The following CEP131 variants were observed in gnomAD, a reference collection of about 807,000 sequenced individuals.
The protein encoded by CEP131 is centrosomal protein of 131 kDa.
A neutral mutation model predicts 136.8 loss-of-function variants in CEP131; 99 were observed. That is an observed-to-expected ratio of 0.72 (90% confidence interval 0.62 to 0.86). CEP131 has a LOEUF of 0.86. Ranked by LOEUF, CEP131 falls within the 40% of genes least tolerant of loss-of-function variation. CEP131 has a pLI of 0.00. For missense variants in CEP131, 1,459 were observed against 1,463.0 expected (o/e 1.00, Z 0.04); for synonymous variants, 646 against 612.7 (o/e 1.05, Z -0.80).
chr17:81,203,443 CCTAA>C lies in CEP131; in HGVS notation c.629+47_629+50del, dbSNP rs1334705495. 1.5e-5 allele frequency: 22 copies of C among 1,444,590 alleles called. 1 individual carries two copies. Among genetic ancestry groups the C allele is most frequent in the Non-Finnish European group, 1.9e-5 (20 of 1,056,744 alleles). 89.5% of individuals were successfully genotyped at this position (1,444,590 alleles called of 1,614,324 possible). On this transcript the variant is annotated intron_variant, in intron 6 of 25. Coordinates refer to ENST00000450824, the MANE Select transcript of CEP131 (RefSeq NM_014984.4). The surrounding 1 kb of genome is among the most constrained non-coding windows in gnomAD (Gnocchi z 4.6). ...GACCCCAGGTGCACTGACTACATGC[CCTAA>C]CTGAGGTCGGACCCCGCAGCCCCGC...
intron 8 of CEP131, 146 bp from the exon 9 acceptor site, chr17:81,199,981 C>A: frequency 2.5e-6 from 2 of 785,392 alleles, no homozygotes; most frequent in Non-Finnish European, 4.2e-6. Flanking sequence ...CCACCAGGAC[C>A]TTGAACCTGC....
chr17:81,200,537 G>A (rs2061868860), intron 7 of CEP131, 91 bp from the exon 8 acceptor site: 6 of 970,194 alleles, frequency 6.2e-6, no homozygotes, highest in Non-Finnish European at 9.4e-6. Context: ...CCGGGGAAGA[G>A]AGAAGCCGGC....
intron 24 of CEP131, 83 bp downstream of exon 24, chr17:81,190,556 C>T: frequency 7.0e-7 from 1 of 1,419,326 alleles, no homozygotes; most frequent in Non-Finnish European, 9.2e-7. Flanking sequence ...TCAGCCACAG[C>T]CTCCTGGGGC....
rs769946994 is a variant in CEP131 at position 81,198,157 on chromosome 17, G to A, written c.1428C>T (p.Arg476=). Residue 476 remains arginine, a synonymous_variant, in exon 12 of 26, where the codon CGC becomes CGT. Transcript: ENST00000450824. ...ATCTGCCCCTGTGATGGGTCCTGGG[G>A]CGGGGCAGCACGTCCGGCTCCTTCT... is the stretch of plus-strand genomic sequence containing the variant. ...LLEKEPDVLP[R]PRTHHRGRYA... 2 of 1,573,654 alleles carry A rather than the reference G, an allele frequency of 1.3e-6. No homozygotes were observed. The highest frequency in any genetic ancestry group is 1.7e-6 in the Non-Finnish European group (2 of 1,159,888).
At chr17:81,194,728 G>A in intron 17 of CEP131, 142 bp downstream of exon 17, 1 of 768,072 alleles carries the variant, frequency 1.3e-6, no homozygotes, top group Non-Finnish European at 2.3e-6. Context: ...GCCGTGACGG[G>A]GGTGGTTGGG....
Position 81,202,088 on chromosome 17 carries a change from G to A in CEP131, c.788+152C>T, listed in dbSNP as rs1166672579. 44 of 660,310 alleles carry A rather than the reference G, an allele frequency of 6.7e-5. 2 individuals are homozygous for A. The South Asian group carries it at 1.5e-3, about 22-fold the overall frequency. 40.9% of individuals were successfully genotyped at this position (660,310 alleles called of 1,614,324 possible). ...TGCACTCCAGCCTGGGCGACAGAGC[G>A]AGACTCTGTCTCAAAAAAAAAAAAA... On this transcript the variant is annotated intron_variant, in intron 7 of 25. Coordinates refer to ENST00000450824, the MANE Select transcript of CEP131 (RefSeq NM_014984.4).
At chr17:81,199,642 C>A (rs746699939) in intron 9 of CEP131, 77 bp downstream of exon 9, 6 of 1,596,838 alleles carry the variant, frequency 3.8e-6, no homozygotes, top group African/African-American at 1.3e-5. Flanking sequence ...TCCCGGGGCC[C>A]AGGGAGCCCC....
In CEP131 at chr17:81,194,816, C is replaced by T. The variant is rs144742446; in HGVS notation, c.2119+54G>A. On this transcript the variant is annotated intron_variant, in intron 17 of 25. Transcript: ENST00000450824. ...AGTTATGGCTCTCTCAAAAGAAGCC[C>T]TGGCCGCAGCACCCACCCCACACCT... 2,080 of 1,444,802 alleles carry T rather than the reference C, an allele frequency of 1.4e-3. 24 individuals are homozygous for T. The African/African-American group carries it at 0.024, about 17-fold the overall frequency. The allele number at this position is 1,444,802 out of a possible 1,614,324, so 89.5% of individuals were successfully genotyped here. A position where few individuals can be genotyped will look rare whatever the true frequency, so the allele number is the denominator to read the frequency against.
intron 5 of CEP131, among the ~76,000 whole-genome samples, chr17:81,206,196 G>C (rs556924100): frequency 3.9e-4 from 60 of 151,956 alleles, no homozygotes; most frequent in African/African-American, 1.4e-3. Flanking sequence ...CCTGGTGACA[G>C]AGCAAGACTC....
rs1168060772 is a variant in CEP131, at chr17:81,206,873, T to G, written c.388-2A>C. 5.0e-6 allele frequency: 8 copies of G among 1,612,834 alleles called. No homozygotes were observed. Among genetic ancestry groups the G allele is most frequent in the Non-Finnish European group, 6.8e-6 (8 of 1,179,774 alleles). ...GGTGAAGCCCCGGGGCTGGTCATCC[T>G]GTCAGACAGCTCAGCCCATGACACC... On this transcript the variant is annotated splice_acceptor_variant, in intron 4 of 25. Transcript: ENST00000450824. LOFTEE classifies it high-confidence loss of function.
At position 81,199,755 on chromosome 17, in the gene CEP131, C is replaced by T. The variant is rs751347748; in HGVS notation, c.987G>A (p.Glu329=). ...CTCGCCTGGCTTGGCGTGCCTTCTCCTCCCGGGCCTTCCTCCTGGCTGCCT... is the reference window on the plus strand; with the variant it reads ...CTCGCCTGGCTTGGCGTGCCTTCTCTTCCCGGGCCTTCCTCCTGGCTGCCT... ...QKEAARRKAR[E]EKARQARRAA... Residue 329 remains glutamate (E), a synonymous_variant, in exon 9 of 26, where the codon GAG becomes GAA. Transcript: ENST00000450824. 1 of 1,611,140 alleles carries T rather than the reference C, an allele frequency of 6.2e-7. No homozygotes were observed. The highest frequency in any genetic ancestry group is 1.1e-5 in the South Asian group (1 of 91,078).
intron 9 of CEP131, 56 bp downstream of exon 9, chr17:81,199,663 C>T: frequency 1.2e-6 from 2 of 1,600,832 alleles, no homozygotes; most frequent in South Asian, 2.2e-5. Flanking sequence ...AGCAGCAGCC[C>T]CGCACGGTCA....
At chr17:81,220,675 A>C (rs1172424506) in intron 1 of CEP131, among the ~76,000 whole-genome samples, 6 of 151,806 alleles carry the variant, frequency 4.0e-5, no homozygotes, top group Non-Finnish European at 8.8e-5. Flanking sequence ...TTGTATTTTT[A>C]GTAGAAGTAG....
chr17:81,208,726 T>C lies in CEP131; in HGVS notation c.272+202A>G, dbSNP rs2146662663. 6.6e-6 allele frequency among the ~76,000 whole-genome samples: 1 copy of C among 152,258 alleles called. No homozygotes were observed. The highest frequency in any genetic ancestry group is 2.4e-5 in the African/African-American group (1 of 41,554). On this transcript the variant is annotated intron_variant, in intron 3 of 25. Coordinates refer to ENST00000450824, the MANE Select transcript of CEP131 (RefSeq NM_014984.4). This position sits in a 1 kb window ranked among gnomAD's most constrained non-coding sequence, Gnocchi z 5.6. ...GATGCAGTGCAGGAGAGTGTCTGCC[T>C]CAGGCCTCCCGCCCCAATGCGAGAG...
chr17:81,200,953 C>T (rs775643547), intron 7 of CEP131, among the ~76,000 whole-genome samples: 2 of 152,138 alleles, frequency 1.3e-5, no homozygotes, highest in African/African-American at 4.8e-5. Context: ...GGTGCTGGGC[C>T]GTTTCCTTAT....
At chr17:81,201,110 C>T (rs532732141) in intron 7 of CEP131, among the ~76,000 whole-genome samples, 40 of 152,294 alleles carry the variant, frequency 2.6e-4, no homozygotes, top group African/African-American at 9.4e-4. Context: ...CCTTGGCTCT[C>T]GGGACCATGT....
In CEP131 at chr17:81,209,096, T is replaced by C; in HGVS notation, c.178-74A>G. 3.5e-6 allele frequency: 4 copies of C among 1,136,838 alleles called. No individual in the cohort carries two copies. In the South Asian group the frequency reaches 5.4e-5, roughly 15 times the overall value. 70.4% of individuals were successfully genotyped at this position (1,136,838 alleles called of 1,614,324 possible). ...CAGTTTGCTCAGCCTCCGCCAGCTT[T>C]GGAGAAACGCAGTCAGAGAACAGAG... On this transcript the variant is annotated intron_variant, in intron 2 of 25. Transcript: ENST00000450824.
rs181079874 is a variant in CEP131, at chr17:81,215,144, A to G, written c.177+4736T>C. ...AGTCTCACTCTGTTGCCCAGGCTGG[A>G]GAGCAGTGGCATGATCATAGCTCAC... On this transcript the variant is annotated intron_variant, in intron 2 of 25. Transcript: ENST00000450824. The surrounding 1 kb of genome is among the most constrained non-coding windows in gnomAD (Gnocchi z 4.1). Among the ~76,000 whole-genome samples the G allele has an allele frequency of 3.2e-4, 48 of 151,902 alleles. No homozygotes were observed. Among genetic ancestry groups the G allele is most frequent in the Admixed American group, 3.2e-3 (48 of 15,226 alleles).
chr17:81,206,812 G>A lies in CEP131; in HGVS notation c.447C>T (p.Asp149=). The part of the protein sequence containing the change: ...PSNARSSSAL[D]SPAGPRRKEC... ...CTTTCCTCCGCGGGCCCGCTGGTGA[G>A]TCAAGGGCACTGGAACTCCGGGCAT... Residue 149 remains aspartate, a synonymous_variant, in exon 5 of 26, where the codon GAC becomes GAT. Transcript: ENST00000450824. The A allele has an allele frequency of 1.2e-6, 2 of 1,614,136 alleles. No individual in the cohort carries two copies. The highest frequency in any genetic ancestry group is 1.7e-6 in the Non-Finnish European group (2 of 1,180,034).
Sources: gnomAD v4.1 joint callset for allele counts (sites outside exome capture counted in the v4.1 genomes callset) on GRCh38, gnomAD v4.1.1 for gene constraint, Gnocchi (gnomAD v3.1) non-coding constraint, MANE v1.5 for transcripts, NCBI Gene and HGNC (gene_info 2026-07-23, HGNC 2026-07-21) for gene names.